Variants in FAT3 observed in about 807,000 individuals in gnomAD.
FAT3 encodes FAT atypical cadherin 3, also known as protocadherin Fat 3.
Under a neutral mutation model 310.2 loss-of-function variants are expected in FAT3, and 95 were observed. That is an observed-to-expected ratio of 0.31 (90% CI 0.26 to 0.36). The LOEUF (loss-of-function observed/expected upper bound fraction) is 0.36, where lower values mean the gene tolerates loss of function less well. FAT3 is among the 10% of genes least tolerant of loss of function. The probability of loss-of-function intolerance (pLI) is 1.00; values close to 1 mark genes in which losing one functional copy is unlikely to be tolerated. For synonymous variants in FAT3, 2,314 were observed against 2,192.9 expected (o/e 1.06, Z -1.54); for missense variants, 5,408 against 5,715.6 (o/e 0.95, Z 1.74).
chr11:92,416,152 G>C (rs1356185321), intron 2 of FAT3, among the ~76,000 whole-genome samples: 1 of 146,274 alleles, frequency 6.8e-6, no homozygotes. Context: ...GAGGTGGGCA[G>C]ATCACGAGGT....
chr11:92,324,755 A>T (rs941883686), intron 1 of FAT3, among the ~76,000 whole-genome samples: 5 of 152,224 alleles, frequency 3.3e-5, no homozygotes, highest in African/African-American at 1.2e-4. Flanking sequence ...TAAAAACATA[A>T]TCTGCAGTGT....
chr11:92,454,592 A>T, intron 2 of FAT3, among the ~76,000 whole-genome samples: 1 of 152,190 alleles, frequency 6.6e-6, no homozygotes, highest in East Asian at 1.9e-4. Flanking sequence ...GAAGGGATTC[A>T]AAACCTCACT....
At chr11:92,302,783 G>A (rs1193064834) in intron 1 of FAT3, among the ~76,000 whole-genome samples, 2 of 151,880 alleles carry the variant, frequency 1.3e-5, no homozygotes, top group Non-Finnish European at 2.9e-5. Flanking sequence ...TAATTTTCTG[G>A]TAGTGTTATG....
intron 3 of FAT3, among the ~76,000 whole-genome samples, chr11:92,624,044 A>C (rs2135678028): frequency 6.6e-6 from 1 of 152,336 alleles, no homozygotes; most frequent in South Asian, 2.1e-4. Flanking sequence ...AAATGGATAC[A>C]TAGACAAACA....
intron 27 of FAT3, among the ~76,000 whole-genome samples, chr11:92,890,234 C>T (rs1423610900): frequency 2.0e-5 from 3 of 152,170 alleles, no homozygotes; most frequent in African/African-American, 7.2e-5. Flanking sequence ...ACTGTCTCCT[C>T]GGCGTGCCCT....
chr11:92,731,791 C>T (rs952756548), intron 4 of FAT3, among the ~76,000 whole-genome samples: 1 of 151,990 alleles, frequency 6.6e-6, no homozygotes, highest in Non-Finnish European at 1.5e-5. Flanking sequence ...ATATCTCTAA[C>T]ACAAAAGTTT....
At chr11:92,743,928 C>G (rs1430066754) in intron 4 of FAT3, among the ~76,000 whole-genome samples, 1 of 152,168 alleles carries the variant, frequency 6.6e-6, no homozygotes, top group Admixed American at 6.5e-5. Flanking sequence ...CAGAGTCCCA[C>G]CAGGAAGAAG....
chr11:92,849,572 G>A (rs555884357), intron 19 of FAT3, among the ~76,000 whole-genome samples: 2 of 152,248 alleles, frequency 1.3e-5, no homozygotes, highest in East Asian at 3.9e-4. Flanking sequence ...AAGTTCCTTT[G>A]CTCCTTGACT....
intron 2 of FAT3, chr11:92,498,323 A>G (rs749161618): frequency 1.2e-5 from 3 of 241,256 alleles, no homozygotes; most frequent in Admixed American, 8.2e-5. Context: ...CATGAAGAGG[A>G]TAAATAGATC....
chr11:92,570,767 T>A (rs1042449201), intron 3 of FAT3, among the ~76,000 whole-genome samples: 2 of 152,250 alleles, frequency 1.3e-5, no homozygotes, highest in African/African-American at 4.8e-5. Flanking sequence ...GTTTGCACAC[T>A]GTTTTGACCA....
At chr11:92,446,491 T>C (rs780046838) in intron 2 of FAT3, among the ~76,000 whole-genome samples, 1 of 152,116 alleles carries the variant, frequency 6.6e-6, no homozygotes, top group Non-Finnish European at 1.5e-5. Flanking sequence ...TTGGTCCTAA[T>C]AGCAAGTTTG....
intron 1 of FAT3, among the ~76,000 whole-genome samples, chr11:92,259,592 G>A (rs1471871696): frequency 1.3e-5 from 2 of 151,976 alleles, no homozygotes; most frequent in East Asian, 1.9e-4. Context: ...AGAGCTGTAC[G>A]AAGCCACAAG....
intron 1 of FAT3, among the ~76,000 whole-genome samples, chr11:92,324,785 T>C (rs1463526931): frequency 1.3e-5 from 2 of 152,216 alleles, no homozygotes; most frequent in Non-Finnish European, 2.9e-5. Context: ...TGAAGTGCAA[T>C]AACATGAGGT....
intron 4 of FAT3, among the ~76,000 whole-genome samples, chr11:92,715,143 C>T (rs1000512445): frequency 1.3e-5 from 2 of 151,638 alleles, no homozygotes; most frequent in African/African-American, 2.4e-5. Flanking sequence ...CGTTGGCTCA[C>T]ACCTGTAATC....
intron 1 of FAT3, among the ~76,000 whole-genome samples, chr11:92,239,632 A>G (rs1864587602): frequency 6.6e-6 from 1 of 152,120 alleles, no homozygotes; most frequent in South Asian, 2.1e-4. Flanking sequence ...GGAATGGGCT[A>G]TTATAAGATT....
chr11:92,846,814 C>T (rs1011160494), intron 19 of FAT3, among the ~76,000 whole-genome samples: 2 of 152,190 alleles, frequency 1.3e-5, no homozygotes, highest in Non-Finnish European at 2.9e-5. Context: ...GAGCTTTGTG[C>T]AGAGTCAGGC....
chr11:92,308,676 G>A (rs1170873001), intron 1 of FAT3, among the ~76,000 whole-genome samples: 4 of 152,062 alleles, frequency 2.6e-5, no homozygotes, highest in Admixed American at 6.6e-5. Flanking sequence ...CAGCCCTCTG[G>A]TCATCAAATA....
chr11:92,672,113 C>G (rs983177503), intron 3 of FAT3, among the ~76,000 whole-genome samples: 1 of 152,072 alleles, frequency 6.6e-6, no homozygotes, highest in Non-Finnish European at 1.5e-5. Flanking sequence ...AAGCAAAACT[C>G]TGTCTCAAAT....
intron 3 of FAT3, among the ~76,000 whole-genome samples, chr11:92,680,035 T>C (rs1045761770): frequency 1.3e-5 from 2 of 151,958 alleles, no homozygotes; most frequent in African/African-American, 2.4e-5. Flanking sequence ...GCAAGCAATT[T>C]TTCCCATTCA....
Sources: gnomAD v4.1 joint callset for allele counts (sites outside exome capture counted in the v4.1 genomes callset) on GRCh38, gnomAD v4.1.1 for gene constraint, MANE v1.5 for transcripts, NCBI Gene and HGNC (gene_info 2026-07-23, HGNC 2026-07-21) for gene names.